Variants in KCNAB1 observed in about 807,000 individuals in gnomAD.
KCNAB1 encodes voltage-gated potassium channel subunit beta-1.
A neutral mutation model predicts 64.6 loss-of-function variants in KCNAB1; 35 were observed. The observed-to-expected ratio is 0.54, with a 90% CI of 0.41 to 0.72. KCNAB1 has a LOEUF of 0.72. Among genes scored for constraint, KCNAB1 ranks in the 30% least tolerant of loss-of-function variants. The probability of loss-of-function intolerance (pLI) is 0.00; values close to 1 mark genes in which losing one functional copy is unlikely to be tolerated. For synonymous variants in KCNAB1, 177 were observed against 183.8 expected (o/e 0.96, Z 0.30); for missense variants, 401 against 512.9 (o/e 0.78, Z 2.11).
At chr3:156,137,229 G>T (rs1366242466) in intron 1 of KCNAB1, among the ~76,000 whole-genome samples, 1 of 151,046 alleles carries the variant, frequency 6.6e-6, no homozygotes, top group East Asian at 1.9e-4. Flanking sequence ...TTGGTGGGGG[G>T]GGATTGTTTT....
At chr3:156,268,220 C>G (rs766386439) in intron 1 of KCNAB1, among the ~76,000 whole-genome samples, 3 of 151,902 alleles carry the variant, frequency 2.0e-5, no homozygotes, top group Non-Finnish European at 2.9e-5. Flanking sequence ...TTTTTATGGC[C>G]GAATAAAATT....
At chr3:156,305,379 C>T (rs1253330086) in intron 1 of KCNAB1, among the ~76,000 whole-genome samples, 2 of 152,146 alleles carry the variant, frequency 1.3e-5, no homozygotes, top group African/African-American at 4.8e-5. Context: ...TAAAGGATTG[C>T]AGGATGGATG....
At chr3:156,262,894 G>C (rs1478090970) in intron 1 of KCNAB1, among the ~76,000 whole-genome samples, 1 of 151,700 alleles carries the variant, frequency 6.6e-6, no homozygotes, top group African/African-American at 2.4e-5. Context: ...TTGGTAATTT[G>C]TGTTGTTTTA....
At chr3:156,176,017 G>C (rs774608504) in intron 1 of KCNAB1, 45 of 838,394 alleles carry the variant, frequency 5.4e-5, no homozygotes, top group Non-Finnish European at 9.0e-5. Context: ...GGCTGTGCCA[G>C]GTGCTATTTT....
At chr3:156,431,179 C>T (rs565305132) in intron 2 of KCNAB1, among the ~76,000 whole-genome samples, 11 of 152,258 alleles carry the variant, frequency 7.2e-5, no homozygotes, top group East Asian at 5.8e-4. Flanking sequence ...AAAGGCTTCA[C>T]GAGGTCCCCA....
intron 1 of KCNAB1, among the ~76,000 whole-genome samples, chr3:156,189,879 T>C (rs2108359464): frequency 6.6e-6 from 1 of 152,308 alleles, no homozygotes; most frequent in Admixed American, 6.5e-5. Context: ...ATGGGCTTTT[T>C]AACTAAACAA....
intron 2 of KCNAB1, among the ~76,000 whole-genome samples, chr3:156,426,307 A>T (rs889687695): frequency 9.9e-5 from 15 of 152,072 alleles, no homozygotes; most frequent in Non-Finnish European, 1.6e-4. Context: ...TTATTATTTT[A>T]AAAAAATAGA....
chr3:156,397,661 A>G (rs578030257), intron 1 of KCNAB1, among the ~76,000 whole-genome samples: 50 of 151,970 alleles, frequency 3.3e-4, no homozygotes, highest in African/African-American at 1.2e-3. Context: ...ACTTTGGTGT[A>G]TTAAGAATCC....
At chr3:156,457,268 A>AAAG in intron 3 of KCNAB1, 185 bp from the exon 4 acceptor site, 1 of 1,397,530 alleles carries the variant, frequency 7.2e-7, no homozygotes, top group Non-Finnish European at 9.3e-7. Context: ...TGTCTGAAGG[A>AAAG]AAGAATACTT....
chr3:156,400,353 G>A (rs183825534), intron 1 of KCNAB1, among the ~76,000 whole-genome samples: 6 of 152,234 alleles, frequency 3.9e-5, no homozygotes, highest in East Asian at 1.9e-4. Flanking sequence ...CTTGTCAATC[G>A]AAGGCAGCTG....
chr3:156,298,383 C>T (rs1469535776), intron 1 of KCNAB1, among the ~76,000 whole-genome samples: 1 of 152,228 alleles, frequency 6.6e-6, no homozygotes, highest in African/African-American at 2.4e-5. Context: ...TTGGTTGTTA[C>T]ACATGGAGTC....
chr3:156,345,855 G>A (rs1164701950), intron 1 of KCNAB1, among the ~76,000 whole-genome samples: 2 of 152,252 alleles, frequency 1.3e-5, no homozygotes, highest in Non-Finnish European at 2.9e-5. Flanking sequence ...AGAAAGCAAA[G>A]TAAATAAATG....
chr3:156,419,449 C>T (rs1393664008), intron 1 of KCNAB1, among the ~76,000 whole-genome samples: 7 of 149,284 alleles, frequency 4.7e-5, no homozygotes, highest in South Asian at 2.1e-4. Flanking sequence ...TGCAGTGAGC[C>T]GAGATTGCAC....
chr3:156,495,897 A>G (rs1253737628), intron 8 of KCNAB1, among the ~76,000 whole-genome samples: 1 of 152,182 alleles, frequency 6.6e-6, no homozygotes, highest in Non-Finnish European at 1.5e-5. Flanking sequence ...AGATAACACA[A>G]AAGTTCAGAC....
At chr3:156,464,487 AT>A (rs140409935) in intron 6 of KCNAB1, among the ~76,000 whole-genome samples, 64,424 of 149,570 alleles carry the variant, frequency 0.43, 13,965 homozygotes, top group South Asian at 0.56. Flanking sequence ...TCGCAAAAAA[AT>A]AATAATAATA....
Position 156,289,280 on chromosome 3 carries a change from T to A in KCNAB1, c.276-132336T>A, listed in dbSNP as rs554969914. Among the ~76,000 whole-genome samples, 3 of 152,328 alleles carry A rather than the reference T, an allele frequency of 2.0e-5. No individual in the cohort carries two copies. The South Asian group carries it at 6.2e-4, about 32-fold the overall frequency. On this transcript the variant is annotated intron_variant, in intron 1 of 13. Coordinates refer to ENST00000490337, the MANE Select transcript of KCNAB1 (RefSeq NM_172160.3). ...CACATCTCCTCAAGCTCAGCCAGTGTCCAAACTGAAGTTCCTGGCTCCTGA... is the reference window on the plus strand; with the variant it reads ...CACATCTCCTCAAGCTCAGCCAGTGACCAAACTGAAGTTCCTGGCTCCTGA...
At chr3:156,146,090 G>A (rs1346029334) in intron 1 of KCNAB1, among the ~76,000 whole-genome samples, 1 of 152,118 alleles carries the variant, frequency 6.6e-6, no homozygotes, top group Non-Finnish European at 1.5e-5. Context: ...CTGTGAGAGA[G>A]CATTATGTTG....
At chr3:156,469,302 G>C (rs550158911) in intron 7 of KCNAB1, among the ~76,000 whole-genome samples, 1 of 139,992 alleles carries the variant, frequency 7.1e-6, no homozygotes, top group Non-Finnish European at 1.5e-5. Flanking sequence ...TGCCACCCAG[G>C]CTGGAGTGCA....
chr3:156,486,664 G>A (rs1455275961), intron 8 of KCNAB1, among the ~76,000 whole-genome samples: 1 of 152,122 alleles, frequency 6.6e-6, no homozygotes, highest in Non-Finnish European at 1.5e-5. Context: ...TCTCCTGTGT[G>A]GGGTCTTCTT....
Sources: allele counts gnomAD v4.1 joint callset (sites outside exome capture counted in the v4.1 genomes callset), GRCh38; gene constraint gnomAD v4.1.1; transcripts MANE v1.5; gene names NCBI Gene and HGNC (gene_info 2026-07-23, HGNC 2026-07-21).